The following NFIX variants were observed in gnomAD, a reference collection of about 807,000 sequenced individuals.
The protein encoded by NFIX is nuclear factor I X, also known as nuclear factor 1 X-type.
A neutral mutation model predicts 53.3 loss-of-function variants in NFIX; 2 were observed. That is an observed-to-expected ratio of 0.04 (90% CI 0.02 to 0.12). The LOEUF (loss-of-function observed/expected upper bound fraction) is 0.12. NFIX is among the 10% of genes least tolerant of loss of function. NFIX has a pLI of 1.00. For missense variants in NFIX, 310 were observed against 674.5 expected (o/e 0.46, Z 5.99); for synonymous variants, 244 against 289.0 (o/e 0.84, Z 1.58).
chr19:13,046,471 C>G (rs753949427), intron 2 of NFIX, among the ~76,000 whole-genome samples: 3 of 152,040 alleles, frequency 2.0e-5, no homozygotes, highest in African/African-American at 4.8e-5. Flanking sequence ...GCCTTCCCCC[C>G]CCCTCTTTTT....
chr19:13,073,623 C>A lies in NFIX; in HGVS notation c.697+127C>A. ...GAACAGATGCTTTCTGGGACACTCT[C>A]GGCTTCACTGGTGCTGGGCTGGGTA... is the stretch of plus-strand genomic sequence containing the variant. On this transcript the variant is annotated intron_variant, in intron 4 of 10. Transcript: ENST00000592199. This position sits in a 1 kb window ranked among gnomAD's most constrained non-coding sequence, Gnocchi z 4.5. The A allele has an allele frequency of 1.1e-6, 1 of 887,094 alleles. No homozygotes were observed. The highest frequency in any genetic ancestry group is 1.8e-6 in the Non-Finnish European group (1 of 545,122). 55.0% of individuals were successfully genotyped at this position (887,094 alleles called of 1,614,324 possible).
At chr19:13,083,140 C>T (rs548094064) in intron 8 of NFIX, among the ~76,000 whole-genome samples, 25 of 152,288 alleles carry the variant, frequency 1.6e-4, no homozygotes, top group African/African-American at 6.0e-4. Flanking sequence ...CTTCGCCCAC[C>T]TCTCTCTGGA....
chr19:13,002,527 G>A lies in NFIX; in HGVS notation c.27+6663G>A, dbSNP rs1331114966. ...GGTGGACAGGGCCTGGCAGCCAGAG[G>A]GAGGCAATGGGCAGGGTGACTGAGC... On this transcript the variant is annotated intron_variant, in intron 1 of 10. Transcript: ENST00000592199. This position sits in a 1 kb window ranked among gnomAD's most constrained non-coding sequence, Gnocchi z 6.1. Among the ~76,000 whole-genome samples, 1 of 152,106 alleles carries A rather than the reference G, an allele frequency of 6.6e-6. No homozygotes were observed. Among genetic ancestry groups the A allele is most frequent in the African/African-American group, 2.4e-5 (1 of 41,440 alleles).
Position 13,067,225 on chromosome 19 carries a change from C to G in NFIX, c.560-5822C>G, listed in dbSNP as rs1469395489. On this transcript the variant is annotated intron_variant, in intron 2 of 10. Transcript: ENST00000592199. The surrounding 1 kb of genome is among the most constrained non-coding windows in gnomAD (Gnocchi z 4.2). ...CAGCCCTTCAGAGGATGGGGTGTTG[C>G]AGCTGCCCAGAGGCACCCCCAGAAC... Among the ~76,000 whole-genome samples, 1 of 152,068 alleles carries G rather than the reference C, an allele frequency of 6.6e-6. No homozygotes were observed. Among genetic ancestry groups the G allele is most frequent in the Non-Finnish European group, 1.5e-5 (1 of 67,990 alleles).
At chr19:13,056,263 G>C (rs936443385) in intron 2 of NFIX, among the ~76,000 whole-genome samples, 4 of 152,216 alleles carry the variant, frequency 2.6e-5, no homozygotes, top group Admixed American at 6.5e-5. Flanking sequence ...ACCTTGAAGA[G>C]TCTCTTCTGC....
At chr19:13,076,367 T>C (rs2017102550) in intron 6 of NFIX, among the ~76,000 whole-genome samples, 1 of 152,122 alleles carries the variant, frequency 6.6e-6, no homozygotes, top group Non-Finnish European at 1.5e-5. Flanking sequence ...ATCTTCTTCT[T>C]GTTGAACCCA....
In NFIX at chr19:13,013,457, C is replaced by T. The variant is rs530687958; in HGVS notation, c.28-11564C>T. On this transcript the variant is annotated intron_variant, in intron 1 of 10. Transcript: ENST00000592199. The surrounding 1 kb of genome is among the most constrained non-coding windows in gnomAD (Gnocchi z 5.9). ...GCTTTGATGGTGTTAGGTCCTTTTC[C>T]ACGTGCGGATGACTCAGCCCGCTGC... Among the ~76,000 whole-genome samples, 11 of 152,236 alleles carry T rather than the reference C, an allele frequency of 7.2e-5. No homozygotes were observed. The South Asian group carries it at 2.3e-3, about 32-fold the overall frequency.
chr19:13,002,971 G>A lies in NFIX; in HGVS notation c.27+7107G>A, dbSNP rs1446302195. Among the ~76,000 whole-genome samples the A allele has an allele frequency of 6.6e-6, 1 of 152,186 alleles. No homozygotes were observed. The highest frequency in any genetic ancestry group is 2.4e-5 in the African/African-American group (1 of 41,446). ...TCTGTGTGAGCCAAGCTGGAGGAAA[G>A]GACAGCATGGAGGTGCACCCGACCC... On this transcript the variant is annotated intron_variant, in intron 1 of 10. Transcript: ENST00000592199. The surrounding 1 kb of genome is among the most constrained non-coding windows in gnomAD (Gnocchi z 6.1).
chr19:13,028,942 A>G lies in NFIX; in HGVS notation c.559+3390A>G, dbSNP rs534319106. 6.7e-4 allele frequency among the ~76,000 whole-genome samples: 102 copies of G among 152,288 alleles called. No individual in the cohort carries two copies. The highest frequency in any genetic ancestry group is 2.4e-3 in the African/African-American group (100 of 41,572). ...CCTAAGCCTTGGTCCTAGGAAAGAA[A>G]AAAAAAAATCCAAAGCTAACAAAAT... On this transcript the variant is annotated intron_variant, in intron 2 of 10. Transcript: ENST00000592199. This position sits in a 1 kb window ranked among gnomAD's most constrained non-coding sequence, Gnocchi z 4.2.
At chr19:13,076,957 C>T (rs919197415) in intron 6 of NFIX, among the ~76,000 whole-genome samples, 3 of 152,132 alleles carry the variant, frequency 2.0e-5, no homozygotes, top group Non-Finnish European at 2.9e-5. Flanking sequence ...CTCTGGGGCC[C>T]CTCCCAGGCT....
At position 13,088,718 on chromosome 19, in the gene NFIX, T is replaced by TC. The variant is rs2017951400; in HGVS notation, c.1402+582_1402+583insC. On this transcript the variant is annotated intron_variant, in intron 9 of 10. Transcript: ENST00000592199. This position sits in a 1 kb window ranked among gnomAD's most constrained non-coding sequence, Gnocchi z 5.9. ...GGTTTCTCGTTGTTCCTCTTTTTTT[T>TC]TCCCCCCCTTCCATCCCTCTCCCGT... Among the ~76,000 whole-genome samples the TC allele has an allele frequency of 6.6e-6, 1 of 151,722 alleles. No individual in the cohort carries two copies. Among genetic ancestry groups the TC allele is most frequent in the African/African-American group, 2.4e-5 (1 of 41,176 alleles).
rs550137371 is a variant in NFIX, at chr19:13,078,950, G to A, written c.1078+215G>A. ...GCCGGGCCCCTGGGCTGCCCACCTG[G>A]CTCCTGAGCAACCTCCCACTTCTCA... On this transcript the variant is annotated intron_variant, in intron 7 of 10. Coordinates refer to ENST00000592199, the MANE Select transcript of NFIX (RefSeq NM_001365902.3). The surrounding 1 kb of genome is among the most constrained non-coding windows in gnomAD (Gnocchi z 4.7). Among the ~76,000 whole-genome samples, 4 of 152,352 alleles carry A rather than the reference G, an allele frequency of 2.6e-5. No homozygotes were observed. Among genetic ancestry groups the A allele is most frequent in the Non-Finnish European group, 5.9e-5 (4 of 68,018 alleles).
chr19:13,004,673 C>A (rs531982428), intron 1 of NFIX, among the ~76,000 whole-genome samples: 13 of 152,214 alleles, frequency 8.5e-5, no homozygotes, highest in African/African-American at 3.1e-4. Flanking sequence ...TTTGTAGAAG[C>A]CTGGGGTGAG....
At chr19:13,018,784 G>A (rs1227668318) in intron 1 of NFIX, among the ~76,000 whole-genome samples, 3 of 152,328 alleles carry the variant, frequency 2.0e-5, no homozygotes, top group Middle Eastern at 3.4e-3. Context: ...GGCCTTCCAC[G>A]AAGCAGCAGT....
chr19:13,087,516 G>A (rs569189861), intron 8 of NFIX, among the ~76,000 whole-genome samples: 5 of 152,120 alleles, frequency 3.3e-5, no homozygotes, highest in South Asian at 4.1e-4. Flanking sequence ...CAGGCCTGCC[G>A]TCCTTGGTTA....
At chr19:13,054,750 C>T (rs1394224202) in intron 2 of NFIX, among the ~76,000 whole-genome samples, 1 of 152,084 alleles carries the variant, frequency 6.6e-6, no homozygotes, top group Non-Finnish European at 1.5e-5. Flanking sequence ...GTGCCTAGAG[C>T]CCTGAAAATA....
At chr19:13,047,146 T>A (rs1163933985) in intron 2 of NFIX, among the ~76,000 whole-genome samples, 1 of 152,160 alleles carries the variant, frequency 6.6e-6, no homozygotes, top group East Asian at 1.9e-4. Flanking sequence ...GGGATCAATA[T>A]CAGTCTTCCA....
chr19:13,047,986 G>A (rs1190047403), intron 2 of NFIX, among the ~76,000 whole-genome samples: 1 of 152,172 alleles, frequency 6.6e-6, no homozygotes, highest in Non-Finnish European at 1.5e-5. Context: ...GTTTTCACCT[G>A]TAATCAGCAA....
In NFIX at chr19:13,012,494, G is replaced by T. The variant is rs183516172; in HGVS notation, c.28-12527G>T. 2.6e-5 allele frequency among the ~76,000 whole-genome samples: 4 copies of T among 152,074 alleles called. No individual in the cohort carries two copies. In the South Asian group the frequency reaches 8.3e-4, roughly 32 times the overall value. Reference sequence around the variant, plus strand: ...TGACCCCGCGCTGGTGGGCATGGAGGACTGTCCCAGTTCACCATTTGCTGC... The same window carrying T: ...TGACCCCGCGCTGGTGGGCATGGAGTACTGTCCCAGTTCACCATTTGCTGC... On this transcript the variant is annotated intron_variant, in intron 1 of 10. Coordinates refer to ENST00000592199, the MANE Select transcript of NFIX (RefSeq NM_001365902.3). This position sits in a 1 kb window ranked among gnomAD's most constrained non-coding sequence, Gnocchi z 5.0.
Sources: allele counts gnomAD v4.1 joint callset (sites outside exome capture counted in the v4.1 genomes callset), GRCh38; gene constraint gnomAD v4.1.1; non-coding constraint Gnocchi (gnomAD v3.1); transcripts MANE v1.5; gene names NCBI Gene and HGNC (gene_info 2026-07-23, HGNC 2026-07-21).